Variants in MAP4K3 observed in about 807,000 individuals in gnomAD.
MAP4K3 encodes the protein mitogen-activated protein kinase kinase kinase kinase 3.
Under a neutral mutation model 143.5 loss-of-function variants are expected in MAP4K3, and 94 were observed. The ratio of observed to expected loss-of-function variants is 0.65; its 90% CI spans 0.55 to 0.78. The LOEUF (loss-of-function observed/expected upper bound fraction) is 0.78. MAP4K3 is among the 30% of genes least tolerant of loss of function. The probability of loss-of-function intolerance (pLI) is 0.00; values close to 1 mark genes in which losing one functional copy is unlikely to be tolerated. For synonymous variants in MAP4K3, 416 were observed against 347.2 expected (o/e 1.20, Z -2.20); for missense variants, 1,077 against 1,068.1 (o/e 1.01, Z -0.12).
intron 2 of MAP4K3, among the ~76,000 whole-genome samples, chr2:39,365,144 T>C (rs1382766377): frequency 2.6e-5 from 4 of 152,196 alleles, no homozygotes; most frequent in African/African-American, 9.6e-5. Context: ...GGGCCTGCTA[T>C]CTGTCATGTG....
intron 1 of MAP4K3, among the ~76,000 whole-genome samples, chr2:39,393,755 G>A (rs1666731548): frequency 6.6e-6 from 1 of 152,120 alleles, no homozygotes; most frequent in African/African-American, 2.4e-5. Flanking sequence ...CAGGACCCTT[G>A]AGTGTACCAA....
At chr2:39,307,238 C>G (rs1164123866) in intron 15 of MAP4K3, among the ~76,000 whole-genome samples, 1 of 152,026 alleles carries the variant, frequency 6.6e-6, no homozygotes, top group Non-Finnish European at 1.5e-5. Context: ...ACCACAGTAG[C>G]AGAAAGAACT....
intron 24 of MAP4K3, among the ~76,000 whole-genome samples, chr2:39,273,335 A>T (rs1280208994): frequency 1.3e-5 from 2 of 152,196 alleles, no homozygotes; most frequent in African/African-American, 4.8e-5. Context: ...CTGAAGCAAG[A>T]AGTTCTGAAG....
At chr2:39,396,858 T>C (rs952390124) in intron 1 of MAP4K3, among the ~76,000 whole-genome samples, 6 of 152,224 alleles carry the variant, frequency 3.9e-5, no homozygotes, top group Non-Finnish European at 5.9e-5. Context: ...TCACCTCTTA[T>C]AAGAGACCAA....
At chr2:39,326,317 A>G in intron 8 of MAP4K3, 40 bp from the exon 9 acceptor site, 1 of 1,606,752 alleles carries the variant, frequency 6.2e-7, no homozygotes, top group Non-Finnish European at 8.5e-7. Flanking sequence ...CTTCTGTTAT[A>G]TGTTTTCCTT....
At chr2:39,365,817 C>A (rs1478012716) in intron 2 of MAP4K3, among the ~76,000 whole-genome samples, 1 of 152,224 alleles carries the variant, frequency 6.6e-6, no homozygotes, top group Non-Finnish European at 1.5e-5. Context: ...AACAAGGTTT[C>A]TCATGCCATT....
At chr2:39,333,449 A>C in intron 7 of MAP4K3, 83 bp downstream of exon 7, 2 of 1,067,140 alleles carry the variant, frequency 1.9e-6, no homozygotes, top group Non-Finnish European at 2.9e-6. Flanking sequence ...GGAGAGGGAA[A>C]ACCTGGTCCT....
At chr2:39,424,124 C>T (rs1049779286) in intron 1 of MAP4K3, among the ~76,000 whole-genome samples, 11 of 151,936 alleles carry the variant, frequency 7.2e-5, no homozygotes, top group African/African-American at 2.4e-4. Flanking sequence ...TTATATTTTT[C>T]GTAGAGACAG....
At position 39,352,096 on chromosome 2, in the gene MAP4K3, G is replaced by T. The variant is rs112261021; in HGVS notation, c.245+4153C>A. Among the ~76,000 whole-genome samples the T allele has an allele frequency of 9.6e-3, 1,456 of 152,240 alleles. 12 individuals carry two copies. The highest frequency in any genetic ancestry group is 0.034 in the African/African-American group (1,394 of 41,552). ...TCACAAGGTCAGGAGTTAAAGACCA[G>T]CCTGGCCAATATGGTGAGACCCCAT... On this transcript the variant is annotated intron_variant, in intron 3 of 33. Transcript: ENST00000263881.
chr2:39,308,963 TA>T (rs573090679), intron 14 of MAP4K3, among the ~76,000 whole-genome samples: 11 of 151,838 alleles, frequency 7.2e-5, no homozygotes, highest in African/African-American at 1.7e-4. Flanking sequence ...AAATAAAAAA[TA>T]AAAAAAATTT....
chr2:39,339,554 T>C (rs539136294), intron 4 of MAP4K3, among the ~76,000 whole-genome samples: 2 of 152,326 alleles, frequency 1.3e-5, no homozygotes, highest in East Asian at 3.9e-4. Context: ...CATTATCCTC[T>C]ACATGGGTAC....
rs554580793 is a variant in MAP4K3 at position 39,299,778 on chromosome 2, T to C, written c.1143A>G (p.Gln381=). Residue 381 remains glutamine, a synonymous_variant, in exon 16 of 34, where the codon CAA becomes CAG. Transcript: ENST00000263881. ...CTAAAAAGTAACCACCTTGGTGTCC[T>C]TGTCCATATTCCAGTTGCAGATCCT... is the stretch of plus-strand genomic sequence containing the variant. ...SNLDLQLEYG[Q]GHQGGYFLGA... 41 of 1,577,538 alleles carry C rather than the reference T, an allele frequency of 2.6e-5. No individual in the cohort carries two copies. In the East Asian group the frequency reaches 5.2e-4, roughly 20 times the overall value.
At chr2:39,278,839 C>G (rs762670003) in intron 23 of MAP4K3, among the ~76,000 whole-genome samples, 1 of 152,102 alleles carries the variant, frequency 6.6e-6, no homozygotes, top group East Asian at 1.9e-4. Flanking sequence ...AATATAAAAT[C>G]GAGAGTGGCT....
chr2:39,291,088 C>T (rs1573103876), intron 18 of MAP4K3, among the ~76,000 whole-genome samples: 1 of 151,920 alleles, frequency 6.6e-6, no homozygotes, highest in African/African-American at 2.4e-5. Flanking sequence ...AAACAAAAAA[C>T]CAATAATGTG....
chr2:39,390,968 G>A (rs1229355359), intron 1 of MAP4K3, among the ~76,000 whole-genome samples: 1 of 152,074 alleles, frequency 6.6e-6, no homozygotes, highest in East Asian at 1.9e-4. Flanking sequence ...TCTAACATCT[G>A]CAATATGACT....
At chr2:39,376,986 T>TA in intron 2 of MAP4K3, among the ~76,000 whole-genome samples, 1 of 152,188 alleles carries the variant, frequency 6.6e-6, no homozygotes, top group Non-Finnish European at 1.5e-5. Context: ...ATAAAATCTG[T>TA]AAATATGTAT....
chr2:39,400,402 C>CT (rs1276846854), intron 1 of MAP4K3, among the ~76,000 whole-genome samples: 2 of 152,146 alleles, frequency 1.3e-5, no homozygotes, highest in African/African-American at 2.4e-5. Context: ...TTTATATTTG[C>CT]AACAATAATT....
chr2:39,273,935 C>T (rs894147995), intron 24 of MAP4K3, among the ~76,000 whole-genome samples: 5 of 143,636 alleles, frequency 3.5e-5, no homozygotes, highest in East Asian at 4.0e-4. Context: ...CATATCAGTA[C>T]GTGTTATCAA....
At chr2:39,265,136 C>A in intron 28 of MAP4K3, 67 bp downstream of exon 28, 1 of 1,058,924 alleles carries the variant, frequency 9.4e-7, no homozygotes, top group South Asian at 1.4e-5. Context: ...AAAAATGTTT[C>A]TTTAAAGAAC....
Sources: gnomAD v4.1 joint callset for allele counts (sites outside exome capture counted in the v4.1 genomes callset) on GRCh38, gnomAD v4.1.1 for gene constraint, MANE v1.5 for transcripts, NCBI Gene and HGNC (gene_info 2026-07-23, HGNC 2026-07-21) for gene names.